Variants in MLIP observed in about 807,000 individuals in gnomAD.
The protein encoded by MLIP is muscular LMNA interacting protein, also known as muscular LMNA-interacting protein.
Under a neutral mutation model 84.8 loss-of-function variants are expected in MLIP, and 79 were observed. The observed-to-expected ratio is 0.93, with a 90% confidence interval of 0.78 to 1.12. MLIP has a LOEUF of 1.12. Among genes scored for constraint, MLIP ranks in the 50% most tolerant of loss-of-function variants. MLIP has a pLI of 0.00. For missense variants in MLIP, 1,257 were observed against 1,160.6 expected (o/e 1.08, Z -1.21); for synonymous variants, 504 against 463.0 (o/e 1.09, Z -1.14).
intron 1 of MLIP, among the ~76,000 whole-genome samples, chr6:54,041,736 A>G (rs1474412891): frequency 3.3e-5 from 5 of 152,018 alleles, no homozygotes; most frequent in Non-Finnish European, 5.9e-5. Context: ...TTAAGTACCT[A>G]TTCAAGGATT....
At chr6:54,079,022 G>A (rs181610301) in intron 1 of MLIP, among the ~76,000 whole-genome samples, 1 of 152,076 alleles carries the variant, frequency 6.6e-6, no homozygotes, top group Non-Finnish European at 1.5e-5. Context: ...TAAGAATGTT[G>A]CACAAAATAT....
chr6:54,254,676 A>G (rs1332385560), intron 12 of MLIP, among the ~76,000 whole-genome samples: 1 of 151,934 alleles, frequency 6.6e-6, no homozygotes, highest in Non-Finnish European at 1.5e-5. Context: ...AGTTACCCAG[A>G]AAACTTGAGT....
chr6:54,021,113 A>C (rs558739269), intron 1 of MLIP, among the ~76,000 whole-genome samples: 69 of 152,332 alleles, frequency 4.5e-4, no homozygotes, highest in African/African-American at 1.6e-3. Context: ...CAAAAACTTC[A>C]GTTCATCGAG....
rs1430166058 is a variant in MLIP, at chr6:54,071,717, T to C, written c.64-49730T>C. On this transcript the variant is annotated intron_variant, in intron 1 of 12. Coordinates refer to the MLIP transcript ENST00000274897. ...TTTGGCGGTAATATTCATATGAATATGTTTGTTTTTAAAAAATCTTACTTC... is the reference window on the plus strand; with the variant it reads ...TTTGGCGGTAATATTCATATGAATACGTTTGTTTTTAAAAAATCTTACTTC... Among the ~76,000 whole-genome samples, 3 of 152,190 alleles carry C rather than the reference T, an allele frequency of 2.0e-5. No homozygotes were observed. The East Asian group carries it at 5.8e-4, about 29-fold the overall frequency.
At position 54,160,728 on chromosome 6, in the gene MLIP, T is replaced by TA; in HGVS notation, c.2440-12_2440-11insA. 6.5e-7 allele frequency: 1 copy of TA among 1,532,880 alleles called. No homozygotes were observed. The highest frequency in any genetic ancestry group is 2.3e-5 in the East Asian group (1 of 44,276). 95.0% of individuals were successfully genotyped at this position (1,532,880 alleles called of 1,614,324 possible). A position where few individuals can be genotyped will look rare whatever the true frequency, so the allele number is the denominator to read the frequency against. ...TTTCTCTTCTTCTTTCCTTCCTTTC[T>TA]TTTTTTTTCAGCATTCTTCTGATTC... On this transcript the variant is annotated splice_polypyrimidine_tract_variant and intron_variant, in intron 7 of 13. Transcript: ENST00000502396.
chr6:54,217,253 C>G, intron 11 of MLIP: 1 of 985,292 alleles, frequency 1.0e-6, no homozygotes, highest in Non-Finnish European at 1.2e-6. Flanking sequence ...ACTTCCAAAC[C>G]ACAGGAAAGG....
intron 12 of MLIP, among the ~76,000 whole-genome samples, chr6:54,254,333 G>A (rs1403716708): frequency 4.0e-5 from 6 of 151,718 alleles, no homozygotes; most frequent in Admixed American, 3.9e-4. Context: ...TACCATGTTG[G>A]CCAGGCTGGT....
chr6:54,044,745 G>T (rs907860056), intron 1 of MLIP, among the ~76,000 whole-genome samples: 1 of 151,862 alleles, frequency 6.6e-6, no homozygotes, highest in Non-Finnish European at 1.5e-5. Context: ...GTGGGTGTTA[G>T]GTCGGTGAAA....
intron 10 of MLIP, among the ~76,000 whole-genome samples, chr6:54,199,509 G>A (rs920185577): frequency 3.9e-5 from 6 of 152,030 alleles, no homozygotes; most frequent in African/African-American, 1.2e-4. Context: ...TTTTGAAGCC[G>A]GTTTTGAAGC....
intron 1 of MLIP, among the ~76,000 whole-genome samples, chr6:54,022,953 G>A (rs996438989): frequency 1.5e-4 from 23 of 151,980 alleles, no homozygotes; most frequent in Non-Finnish European, 3.1e-4. Flanking sequence ...GGATCACGAG[G>A]TCAGGAGATC....
chr6:54,239,402 C>T (rs115438878), intron 12 of MLIP, among the ~76,000 whole-genome samples: 4,395 of 143,208 alleles, frequency 0.031, 219 homozygotes, highest in African/African-American at 0.12. Flanking sequence ...TACACACACA[C>T]ATACACATAT....
At chr6:54,244,321 T>C (rs1007369308) in intron 12 of MLIP, among the ~76,000 whole-genome samples, 1 of 152,198 alleles carries the variant, frequency 6.6e-6, no homozygotes, top group African/African-American at 2.4e-5. Flanking sequence ...TATTTGAGAT[T>C]GTTGGAATTG....
At chr6:54,094,890 T>C (rs543857948) in intron 1 of MLIP, among the ~76,000 whole-genome samples, 2 of 152,310 alleles carry the variant, frequency 1.3e-5, no homozygotes, top group East Asian at 3.9e-4. Flanking sequence ...GAGCAGTTTG[T>C]CACTTTTGAA....
chr6:54,173,853 A>T (rs1776015046), intron 9 of MLIP, among the ~76,000 whole-genome samples: 2 of 151,616 alleles, frequency 1.3e-5, no homozygotes, highest in South Asian at 4.2e-4. Flanking sequence ...TTTGTACTCG[A>T]TAACCATCCC....
chr6:54,042,883 T>A (rs1383494202), intron 1 of MLIP, among the ~76,000 whole-genome samples: 6 of 152,270 alleles, frequency 3.9e-5, no homozygotes, highest in African/African-American at 1.4e-4. Flanking sequence ...ATTATCATCA[T>A]CGTCACTTAG....
chr6:54,160,806 A>G lies in MLIP; in HGVS notation c.2499+7A>G, dbSNP rs189052866. ...GGGTTCTGACACAGTCAAAGTATGT[A>G]TGTATTTAATATAATTTATGGAACC... On this transcript the variant is annotated splice_region_variant and intron_variant, in intron 8 of 13. Transcript: ENST00000502396. 6.9e-4 allele frequency: 1,105 copies of G among 1,601,774 alleles called. 11 individuals carry two copies. In the Admixed American group the frequency reaches 0.017, roughly 24 times the overall value.
At chr6:54,033,359 C>T (rs1764248365) in intron 1 of MLIP, among the ~76,000 whole-genome samples, 3 of 151,674 alleles carry the variant, frequency 2.0e-5, no homozygotes, top group South Asian at 2.1e-4. Flanking sequence ...CTCCGCCTCC[C>T]GGGTTCAAGT....
intron 1 of MLIP, among the ~76,000 whole-genome samples, chr6:54,089,888 T>C (rs993570384): frequency 2.0e-5 from 3 of 152,152 alleles, no homozygotes; most frequent in African/African-American, 7.2e-5. Context: ...TTAGCACCTC[T>C]GTCTTAAGTC....
Position 54,169,534 on chromosome 6 carries a change from A to G in MLIP, c.2506A>G (p.Thr836Ala). Residue 836 changes from threonine (T) to alanine (A), a missense_variant, in exon 9 of 14, where the codon ACA (threonine) becomes GCA (alanine). Coordinates refer to ENST00000502396, the MANE Select transcript of MLIP (RefSeq NM_001281747.2). The stretch of plus-strand genomic sequence containing the variant: ...TGTTTTTATTTTCATACAGACTCCT[A>G]CAACTCTTCCAAGAGCAGCTGGTCG... ...LLGSDTVKTPTTLPRAAGRET... is the reference protein window; with the variant it reads ...LLGSDTVKTPATLPRAAGRET... 3 of 1,591,298 alleles carry G rather than the reference A, an allele frequency of 1.9e-6. No homozygotes were observed. Among genetic ancestry groups the G allele is most frequent in the Non-Finnish European group, 2.6e-6 (3 of 1,168,876 alleles).
Sources: gnomAD v4.1 joint callset for allele counts (sites outside exome capture counted in the v4.1 genomes callset) on GRCh38, gnomAD v4.1.1 for gene constraint, MANE v1.5 for transcripts, NCBI Gene and HGNC (gene_info 2026-07-23, HGNC 2026-07-21) for gene names.